ROBO2: variants seen among roughly 807,000 people sequenced by gnomAD.
ROBO2 encodes roundabout guidance receptor 2.
ROBO2 carries 53 observed loss-of-function variants against 160.8 expected under a neutral mutation model. The observed-to-expected ratio is 0.33, with a 90% confidence interval of 0.26 to 0.41. The LOEUF (loss-of-function observed/expected upper bound fraction) is 0.41, where lower values mean the gene tolerates loss of function less well. Ranked by LOEUF, ROBO2 falls within the 10% of genes least tolerant of loss-of-function variation. The pLI is 1.00. For synonymous variants in ROBO2, 664 were observed against 611.7 expected (o/e 1.09, Z -1.26); for missense variants, 1,577 against 1,722.4 (o/e 0.92, Z 1.49).
intron 2 of ROBO2, among the ~76,000 whole-genome samples, chr3:76,666,946 A>G (rs1015937800): frequency 7.2e-6 from 1 of 139,376 alleles, no homozygotes; most frequent in East Asian, 2.2e-4. Context: ...ATGTCTATAT[A>G]TATATTATAT....
intron 2 of ROBO2, among the ~76,000 whole-genome samples, chr3:76,093,350 C>T (rs1412279330): frequency 6.6e-6 from 1 of 151,552 alleles, no homozygotes; most frequent in Non-Finnish European, 1.5e-5. Context: ...ATCTTTGCCA[C>T]ACAAGAAGAG....
chr3:75,968,277 T>C (rs1949191368), intron 2 of ROBO2, among the ~76,000 whole-genome samples: 1 of 151,510 alleles, frequency 6.6e-6, no homozygotes, highest in Non-Finnish European at 1.5e-5. Context: ...CTGGCGAGTC[T>C]ACATTTATCA....
intron 2 of ROBO2, among the ~76,000 whole-genome samples, chr3:76,461,850 C>G (rs2078103128): frequency 6.6e-6 from 1 of 152,102 alleles, no homozygotes; most frequent in Non-Finnish European, 1.5e-5. Context: ...TTGTGCCATC[C>G]TTAGTTGCTT....
chr3:77,536,214 C>A (rs1432045729), intron 6 of ROBO2, among the ~76,000 whole-genome samples: 1 of 152,134 alleles, frequency 6.6e-6, no homozygotes, highest in South Asian at 2.1e-4. Context: ...CCCATCTAGA[C>A]TGCCACAGGC....
chr3:77,059,700 C>A (rs1399371765), intron 1 of ROBO2, among the ~76,000 whole-genome samples: 1 of 152,046 alleles, frequency 6.6e-6, no homozygotes, highest in African/African-American at 2.4e-5. Flanking sequence ...TTTTGATCAG[C>A]CTCTCATTTA....
chr3:76,988,807 A>G (rs2060518577), intron 2 of ROBO2, among the ~76,000 whole-genome samples: 1 of 152,168 alleles, frequency 6.6e-6, no homozygotes, highest in Non-Finnish European at 1.5e-5. Flanking sequence ...ATTAAGATCA[A>G]GAAGTGAATA....
intron 2 of ROBO2, among the ~76,000 whole-genome samples, chr3:76,724,888 G>A (rs577781413): frequency 2.6e-5 from 4 of 152,078 alleles, no homozygotes; most frequent in Admixed American, 6.6e-5. Flanking sequence ...TTCCATAGGC[G>A]CAGAAAAGAA....
chr3:77,365,940 C>T (rs1175260082), intron 2 of ROBO2, among the ~76,000 whole-genome samples: 1 of 152,100 alleles, frequency 6.6e-6, no homozygotes, highest in East Asian at 1.9e-4. Flanking sequence ...GTGGTAAGGA[C>T]TAGAAAAATT....
At chr3:76,904,061 T>A (rs2075424905) in intron 2 of ROBO2, among the ~76,000 whole-genome samples, 1 of 152,062 alleles carries the variant, frequency 6.6e-6, no homozygotes, top group African/African-American at 2.4e-5. Flanking sequence ...TAAGGATAAT[T>A]TTTTTTTGTT....
intron 1 of ROBO2, among the ~76,000 whole-genome samples, chr3:77,093,025 G>A (rs796455193): frequency 6.6e-6 from 1 of 151,962 alleles, no homozygotes; most frequent in African/African-American, 2.4e-5. Context: ...AGTTTTCTTT[G>A]TTACCACTTC....
intron 2 of ROBO2, among the ~76,000 whole-genome samples, chr3:76,331,248 G>C (rs537627554): frequency 1.1e-4 from 16 of 152,038 alleles, no homozygotes; most frequent in East Asian, 1.9e-4. Flanking sequence ...TATTTTTATA[G>C]TATGGGGTGT....
chr3:77,423,113 A>G (rs1012317715), intron 2 of ROBO2, among the ~76,000 whole-genome samples: 1 of 152,144 alleles, frequency 6.6e-6, no homozygotes, highest in Non-Finnish European at 1.5e-5. Context: ...CACATTACTC[A>G]TTGGACCAAA....
chr3:77,017,021 A>T (rs558303002), intron 2 of ROBO2, among the ~76,000 whole-genome samples: 5 of 152,312 alleles, frequency 3.3e-5, no homozygotes, highest in African/African-American at 4.8e-5. Flanking sequence ...TAAATGCTTC[A>T]ACAACATCAG....
At chr3:77,317,168 T>C in intron 2 of ROBO2, 1 of 980,614 alleles carries the variant, frequency 1.0e-6, no homozygotes, top group Admixed American at 1.7e-5. Context: ...CAGCCAGCCC[T>C]GTAACCCGGC....
At chr3:77,513,074 C>T (rs2089600826) in intron 5 of ROBO2, among the ~76,000 whole-genome samples, 1 of 151,764 alleles carries the variant, frequency 6.6e-6, no homozygotes, top group African/African-American at 2.4e-5. Flanking sequence ...TGAGAATGGC[C>T]AGTCAGGAAG....
intron 2 of ROBO2, among the ~76,000 whole-genome samples, chr3:76,110,938 A>C (rs1307193575): frequency 6.6e-6 from 1 of 152,052 alleles, no homozygotes; most frequent in Non-Finnish European, 1.5e-5. Flanking sequence ...TAGTTCCTCT[A>C]CCTCTGAAAA....
intron 2 of ROBO2, among the ~76,000 whole-genome samples, chr3:77,358,649 C>G (rs79230587): frequency 3.3e-5 from 5 of 152,118 alleles, no homozygotes; most frequent in African/African-American, 1.2e-4. Context: ...CGTGCATCTA[C>G]GCAGGCCATG....
chr3:77,325,189 GA>G (rs60841249), intron 2 of ROBO2, among the ~76,000 whole-genome samples: 23,311 of 151,974 alleles, frequency 0.15, 1,996 homozygotes, highest in Admixed American at 0.27. Flanking sequence ...CATTTTCAGG[GA>G]AAAAAATATA....
intron 2 of ROBO2, among the ~76,000 whole-genome samples, chr3:76,354,926 ATT>A (rs1339953037): frequency 6.6e-6 from 1 of 151,702 alleles, no homozygotes; most frequent in African/African-American, 2.4e-5. Context: ...TATAAATCCA[ATT>A]TTCCTATTTC....
Sources: allele counts gnomAD v4.1 joint callset (sites outside exome capture counted in the v4.1 genomes callset), GRCh38; gene constraint gnomAD v4.1.1; transcripts MANE v1.5; gene names NCBI Gene and HGNC (gene_info 2026-07-23, HGNC 2026-07-21).